Variants in RIN3 observed in about 807,000 individuals in gnomAD.
RIN3 encodes RAB5 interacting protein 3.
In RIN3, 54 loss-of-function variants were observed where a neutral mutation model predicts 76.3. The observed-to-expected ratio is 0.71, with a 90% CI of 0.57 to 0.89. The LOEUF is 0.89. RIN3 is among the 40% of genes least tolerant of loss of function. The pLI, the probability that RIN3 is intolerant of heterozygous loss-of-function variation, is 0.00. For synonymous variants in RIN3, 576 were observed against 564.0 expected (o/e 1.02, Z -0.30); for missense variants, 1,256 against 1,322.1 (o/e 0.95, Z 0.78).
intron 2 of RIN3, among the ~76,000 whole-genome samples, chr14:92,575,636 T>C (rs1443048001): frequency 1.3e-5 from 2 of 151,950 alleles, no homozygotes; most frequent in African/African-American, 4.8e-5. Flanking sequence ...ATCTGTAAAC[T>C]GTCATGGCGC....
At position 92,643,156 on chromosome 14, in the gene RIN3, C is replaced by T. The variant is rs142599957; in HGVS notation, c.532+1827C>T. 4.6e-3 allele frequency among the ~76,000 whole-genome samples: 693 copies of T among 152,166 alleles called. 4 individuals are homozygous for T. The highest frequency in any genetic ancestry group is 0.016 in the African/African-American group (651 of 41,512). The stretch of plus-strand genomic sequence containing the variant: ...GCAACCTCCACCTCCCAGGTTCAAG[C>T]GATTCTTCTGCCTCAGCCTCCCGAG... On this transcript the variant is annotated intron_variant, in intron 5 of 9. Transcript: ENST00000216487. This position sits in a 1 kb window ranked among gnomAD's most constrained non-coding sequence, Gnocchi z 4.8.
chr14:92,618,788 T>C (rs1407052073), intron 4 of RIN3, among the ~76,000 whole-genome samples: 2 of 152,212 alleles, frequency 1.3e-5, no homozygotes, highest in Non-Finnish European at 2.9e-5. Flanking sequence ...AGCCACTACA[T>C]CAATGTATTC....
At chr14:92,666,947 A>T (rs1888126225) in intron 7 of RIN3, among the ~76,000 whole-genome samples, 1 of 152,102 alleles carries the variant, frequency 6.6e-6, no homozygotes, top group Non-Finnish European at 1.5e-5. Context: ...CCCCAGGGGG[A>T]TGGAGCACAC....
chr14:92,532,292 A>G (rs961866200), intron 1 of RIN3, among the ~76,000 whole-genome samples: 2 of 152,128 alleles, frequency 1.3e-5, no homozygotes, highest in African/African-American at 4.8e-5. Context: ...ACAGCAAGCT[A>G]ACAGCAACAG....
intron 3 of RIN3, among the ~76,000 whole-genome samples, chr14:92,594,432 CAAA>C (rs35874661): frequency 1.2e-4 from 16 of 130,536 alleles, no homozygotes; most frequent in Non-Finnish European, 1.2e-4. Context: ...AACTCTGTCT[CAAA>C]AAAAAAAAAA....
At chr14:92,554,686 C>A (rs34055052) in intron 1 of RIN3, among the ~76,000 whole-genome samples, 2 of 152,100 alleles carry the variant, frequency 1.3e-5, no homozygotes, top group Non-Finnish European at 2.9e-5. Context: ...TTCGGGAGGC[C>A]GAGGTGGGTG....
intron 1 of RIN3, among the ~76,000 whole-genome samples, chr14:92,532,983 G>C (rs1896919444): frequency 6.6e-6 from 1 of 152,204 alleles, no homozygotes; most frequent in African/African-American, 2.4e-5. Context: ...CTCCCAGGAG[G>C]AGGGGCCGGC....
intron 7 of RIN3, among the ~76,000 whole-genome samples, chr14:92,666,297 G>A (rs997299825): frequency 6.6e-5 from 10 of 152,216 alleles, no homozygotes; most frequent in African/African-American, 9.7e-5. Flanking sequence ...GGAACAGCGA[G>A]GAAAGGGGTA....
At chr14:92,646,651 G>T (rs1887211067) in intron 5 of RIN3, among the ~76,000 whole-genome samples, 1 of 152,172 alleles carries the variant, frequency 6.6e-6, no homozygotes, top group Non-Finnish European at 1.5e-5. Context: ...TGTTGACCAG[G>T]CTGGTCTTGA....
chr14:92,545,197 C>T (rs1897232272), intron 1 of RIN3, among the ~76,000 whole-genome samples: 2 of 149,288 alleles, frequency 1.3e-5, no homozygotes, highest in Admixed American at 6.7e-5. Context: ...GCAAGCTCCG[C>T]CTCCCGGGTT....
chr14:92,599,959 C>T (rs1040937695), intron 3 of RIN3, among the ~76,000 whole-genome samples: 5 of 152,070 alleles, frequency 3.3e-5, no homozygotes, highest in Admixed American at 6.5e-5. Flanking sequence ...AAGGAACATC[C>T]GCATGCCAAC....
chr14:92,535,301 G>T (rs988814700), intron 1 of RIN3, among the ~76,000 whole-genome samples: 1 of 150,058 alleles, frequency 6.7e-6, no homozygotes, highest in Non-Finnish European at 1.5e-5. Context: ...CTCAGGGCTT[G>T]TGCTTTCATT....
At chr14:92,676,739 A>C in intron 8 of RIN3, 133 bp downstream of exon 8, 1 of 943,324 alleles carries the variant, frequency 1.1e-6, no homozygotes, top group Non-Finnish European at 1.6e-6. Context: ...ATGGATGCAA[A>C]TGTGAATCCT....
At position 92,652,767 on chromosome 14, in the gene RIN3, T is replaced by C; in HGVS notation, c.1718T>C (p.Met573Thr). 6.2e-7 allele frequency: 1 copy of C among 1,613,982 alleles called. No homozygotes were observed. The highest frequency in any genetic ancestry group is 2.2e-5 in the East Asian group (1 of 44,874). ...CCCAGCGTGAAGAAGAAGCCCTCCA[T>C]GATCCTGGGCAAGGCTCGGCACCGG... The part of the protein sequence containing the change: ...SSPSVKKKPS[M>T]ILGKARHRLS... Residue 573 changes from methionine to threonine, a missense_variant, in exon 6 of 10, where the codon ATG becomes ACG. Around this residue, in one of 3 missense-constraint regions of RIN3, gnomAD observed 428 missense variants for 521.2 expected, o/e 0.82. Transcript: ENST00000216487. The surrounding 1 kb of genome is among the most constrained non-coding windows in gnomAD (Gnocchi z 6.4).
chr14:92,663,061 T>C (rs1435147253), intron 7 of RIN3, among the ~76,000 whole-genome samples: 6 of 152,204 alleles, frequency 3.9e-5, no homozygotes, highest in African/African-American at 1.4e-4. Context: ...TTTGCCCGCC[T>C]TGGCCTCCCA....
At chr14:92,605,544 T>A (rs1158236660) in intron 3 of RIN3, among the ~76,000 whole-genome samples, 1 of 152,248 alleles carries the variant, frequency 6.6e-6, no homozygotes, top group Non-Finnish European at 1.5e-5. Context: ...GGATCAGGCT[T>A]GGATTAACAA....
At chr14:92,655,849 C>G (rs1887647553) in intron 6 of RIN3, among the ~76,000 whole-genome samples, 1 of 152,132 alleles carries the variant, frequency 6.6e-6, no homozygotes, top group Non-Finnish European at 1.5e-5. Context: ...GGGGCAGGCA[C>G]TGGGGAGGAG....
At chr14:92,608,640 T>A (rs1399382488) in intron 3 of RIN3, among the ~76,000 whole-genome samples, 2 of 152,032 alleles carry the variant, frequency 1.3e-5, no homozygotes. Context: ...GTTCAAATGA[T>A]CCTCCTGCAT....
At chr14:92,617,845 A>C (rs1264235246) in intron 4 of RIN3, among the ~76,000 whole-genome samples, 1 of 151,148 alleles carries the variant, frequency 6.6e-6, no homozygotes, top group Non-Finnish European at 1.5e-5. Flanking sequence ...TTCACAAGAA[A>C]ATTTAAAGTC....
Sources: gnomAD v4.1 joint callset for allele counts (sites outside exome capture counted in the v4.1 genomes callset) on GRCh38, gnomAD v4.1.1 for gene constraint, gnomAD v4.1.1 regional missense constraint, Gnocchi (gnomAD v3.1) non-coding constraint, MANE v1.5 for transcripts, NCBI Gene and HGNC (gene_info 2026-07-23, HGNC 2026-07-21) for gene names.